Variants in RHBDD1 observed in about 807,000 individuals in gnomAD.
RHBDD1 encodes rhomboid domain containing 1, also known as rhomboid-related protein 4.
In RHBDD1, 38 loss-of-function variants were observed where a neutral mutation model predicts 36.3. That is an observed-to-expected ratio of 1.05 (90% CI 0.81 to 1.37). RHBDD1 has a LOEUF of 1.37. Among genes scored for constraint, RHBDD1 ranks in the 40% most tolerant of loss-of-function variants. The pLI, the probability that RHBDD1 is intolerant of heterozygous loss-of-function variation, is 0.00. For missense variants in RHBDD1, 393 were observed against 377.6 expected, an observed-to-expected ratio of 1.04 and a Z score of -0.34; for synonymous variants, 151 against 136.5, an observed-to-expected ratio of 1.11 and a Z score of -0.74.
chr2:226,952,648 C>T (rs1034542300), intron 8 of RHBDD1, among the ~76,000 whole-genome samples: 4 of 152,136 alleles, frequency 2.6e-5, no homozygotes, highest in African/African-American at 9.7e-5. Context: ...GGATGTCCTC[C>T]ATGCTTTATA....
intron 8 of RHBDD1, among the ~76,000 whole-genome samples, chr2:226,934,761 T>A (rs1028380406): frequency 6.6e-6 from 1 of 152,082 alleles, no homozygotes; most frequent in Non-Finnish European, 1.5e-5. Context: ...ATGTTTTTCT[T>A]TGAGTCAAAA....
intron 5 of RHBDD1, among the ~76,000 whole-genome samples, chr2:226,891,049 A>G (rs1032012719): frequency 1.3e-5 from 2 of 152,176 alleles, no homozygotes; most frequent in Non-Finnish European, 2.9e-5. Flanking sequence ...ATTGCTATGT[A>G]ACAAATGATC....
intron 5 of RHBDD1, among the ~76,000 whole-genome samples, chr2:226,890,541 T>A (rs1192243453): frequency 1.3e-5 from 2 of 152,192 alleles, no homozygotes; most frequent in Non-Finnish European, 2.9e-5. Flanking sequence ...AATAGAGTGT[T>A]TAGCCAAATG....
chr2:226,927,334 G>GTT (rs11453624), intron 8 of RHBDD1, among the ~76,000 whole-genome samples: 76 of 150,846 alleles, frequency 5.0e-4, no homozygotes, highest in East Asian at 3.9e-4. Flanking sequence ...TATACCAGAA[G>GTT]TTTTTTTTTG....
chr2:226,879,264 C>T (rs984032220), intron 5 of RHBDD1, among the ~76,000 whole-genome samples: 56 of 152,144 alleles, frequency 3.7e-4, no homozygotes, highest in African/African-American at 1.3e-3. Flanking sequence ...GTTGCTTAAG[C>T]TAGACTTAAA....
intron 5 of RHBDD1, among the ~76,000 whole-genome samples, chr2:226,901,776 T>C (rs533162034): frequency 2.0e-5 from 3 of 152,334 alleles, no homozygotes; most frequent in African/African-American, 7.2e-5. Context: ...TAAAGAACTA[T>C]AGCTCATTGG....
intron 8 of RHBDD1, among the ~76,000 whole-genome samples, chr2:226,979,976 G>A (rs889569029): frequency 2.0e-5 from 3 of 152,180 alleles, no homozygotes; most frequent in East Asian, 1.9e-4. Flanking sequence ...TGAATTTGGG[G>A]ACAGGACGAG....
chr2:226,836,110 T>G (rs2124885572), intron 1 of RHBDD1, 23 bp downstream of exon 1: 1 of 152,936 alleles, frequency 6.5e-6, no homozygotes, highest in South Asian at 2.1e-4. Flanking sequence ...GTCTGTTTGG[T>G]CCGGCTGCTG....
At chr2:226,914,467 G>A in intron 8 of RHBDD1, 116 bp downstream of exon 8, 1 of 1,200,200 alleles carries the variant, frequency 8.3e-7, no homozygotes, top group South Asian at 1.7e-5. Flanking sequence ...AGGATATGTA[G>A]ATGAAAACTG....
chr2:226,926,851 G>A (rs1282647198), intron 8 of RHBDD1, among the ~76,000 whole-genome samples: 1 of 152,024 alleles, frequency 6.6e-6, no homozygotes, highest in Non-Finnish European at 1.5e-5. Context: ...GTAGTCTTTG[G>A]TGATCTTTTT....
At chr2:226,935,513 G>C (rs1008324980) in intron 8 of RHBDD1, 1 of 152,090 alleles carries the variant, frequency 6.6e-6, no homozygotes, top group Non-Finnish European at 1.5e-5. Context: ...TTTCATCTTT[G>C]ATGGTGTGTT....
intron 5 of RHBDD1, among the ~76,000 whole-genome samples, chr2:226,880,112 T>C (rs1047199869): frequency 6.6e-6 from 1 of 152,202 alleles, no homozygotes; most frequent in Non-Finnish European, 1.5e-5. Context: ...ATTGTAAGAT[T>C]ACATCTTCTG....
intron 8 of RHBDD1, among the ~76,000 whole-genome samples, chr2:226,915,979 A>G (rs1415574163): frequency 6.6e-6 from 1 of 152,210 alleles, no homozygotes; most frequent in African/African-American, 2.4e-5. Context: ...GGCTGCTCTA[A>G]GATGGCTTCT....
chr2:226,961,268 G>T (rs964399214), intron 8 of RHBDD1, among the ~76,000 whole-genome samples: 2 of 152,052 alleles, frequency 1.3e-5, no homozygotes, highest in African/African-American at 2.4e-5. Flanking sequence ...TACCCTCCTC[G>T]TGGGGCAGCT....
chr2:226,906,603 A>AT, intron 5 of RHBDD1, 190 bp from the exon 6 acceptor site: 1 of 1,283,534 alleles, frequency 7.8e-7, no homozygotes, highest in Non-Finnish European at 1.1e-6. Flanking sequence ...GTTGTTATTC[A>AT]TTGTACTTTT....
At chr2:226,933,975 T>C (rs1368534426) in intron 8 of RHBDD1, among the ~76,000 whole-genome samples, 1 of 152,092 alleles carries the variant, frequency 6.6e-6, no homozygotes, top group African/African-American at 2.4e-5. Flanking sequence ...GGTTTTAGAC[T>C]AAGGAGTTAA....
intron 8 of RHBDD1, among the ~76,000 whole-genome samples, chr2:226,985,231 T>A (rs567503625): frequency 1.3e-5 from 2 of 152,182 alleles, no homozygotes; most frequent in African/African-American, 4.8e-5. Context: ...GGTTAAACTA[T>A]CTACATTCAT....
intron 8 of RHBDD1, among the ~76,000 whole-genome samples, chr2:226,941,912 A>G (rs897126726): frequency 1.3e-5 from 2 of 152,216 alleles, no homozygotes; most frequent in African/African-American, 2.4e-5. Context: ...AGAACCCTAT[A>G]AAATAAATAT....
intron 8 of RHBDD1, among the ~76,000 whole-genome samples, chr2:226,934,521 T>A (rs937761836): frequency 6.6e-6 from 1 of 152,114 alleles, no homozygotes; most frequent in African/African-American, 2.4e-5. Context: ...ATTATCGTAT[T>A]TCATAATAGT....
Sources: allele counts gnomAD v4.1 joint callset (sites outside exome capture counted in the v4.1 genomes callset), GRCh38; gene constraint gnomAD v4.1.1; transcripts MANE v1.5; gene names NCBI Gene and HGNC (gene_info 2026-07-23, HGNC 2026-07-21).